The following TBX5 variants were observed in gnomAD, a reference collection of about 807,000 sequenced individuals.
The protein encoded by TBX5 is T-box transcription factor 5.
TBX5 carries 8 observed loss-of-function variants against 51.1 expected under a neutral mutation model. That is an observed-to-expected ratio of 0.16 (90% CI 0.09 to 0.28). The LOEUF (loss-of-function observed/expected upper bound fraction) is 0.28. Among genes scored for constraint, TBX5 ranks in the 10% least tolerant of loss-of-function variants. The pLI, the probability that TBX5 is intolerant of heterozygous loss-of-function variation, is 1.00. For synonymous variants in TBX5, 302 were observed against 266.4 expected (o/e 1.13, Z -1.30); for missense variants, 589 against 671.7 (o/e 0.88, Z 1.36).
chr12:114,398,747 G>T lies in TBX5; in HGVS notation c.363-27C>A, dbSNP rs745973288. On this transcript the variant is annotated intron_variant, in intron 4 of 8. Coordinates refer to ENST00000405440, the MANE Select transcript of TBX5 (RefSeq NM_181486.4). ...TAGATGAAGGAGAGGTGTACTAGAG[G>T]CCTGGCTCAGAGTCTGGAGGTAGCG... 8 of 1,586,034 alleles carry T rather than the reference G, an allele frequency of 5.0e-6. No homozygotes were observed. The African/African-American group carries it at 8.0e-5, about 16-fold the overall frequency.
intron 7 of TBX5, among the ~76,000 whole-genome samples, chr12:114,382,569 C>T (rs1052538711): frequency 5.3e-5 from 8 of 151,690 alleles, no homozygotes; most frequent in East Asian, 2.0e-4. Flanking sequence ...GAGGCCGAGG[C>T]GGGTGGATTG....
intron 2 of TBX5, 39 bp from the exon 3 acceptor site, chr12:114,401,959 G>C (rs1425745824): frequency 6.4e-7 from 1 of 1,562,902 alleles, no homozygotes; most frequent in African/African-American, 1.4e-5. Context: ...ACAAGCCCTG[G>C]CAGTAGTGGG....
chr12:114,398,616 T>A lies in TBX5; in HGVS notation c.467A>T (p.Gln156Leu), dbSNP rs771361403. 2 of 1,613,472 alleles carry A rather than the reference T, an allele frequency of 1.2e-6. No homozygotes were observed. The highest frequency in any genetic ancestry group is 8.5e-7 in the Non-Finnish European group (1 of 1,179,876). Residue 156 changes from glutamine (Q) to leucine (L), a missense_variant, in exon 5 of 9, where the codon CAG becomes CTG. By Grantham distance (113) the Gln-to-Leu change is moderately radical. Around this residue, in one of 7 missense-constraint regions of TBX5, gnomAD observed 85 missense variants for 95.6 expected, o/e 0.89. Coordinates refer to ENST00000405440, the MANE Select transcript of TBX5 (RefSeq NM_181486.4). ...GTGGTTGTTGGTGAGCTTGAGTTTCTGGAAGGAGACGAGCTGCCTCATCCA... is the reference window on the plus strand; with the variant it reads ...GTGGTTGTTGGTGAGCTTGAGTTTCAGGAAGGAGACGAGCTGCCTCATCCA... ...AHWMRQLVSF[Q>L]KLKLTNNHLD...
At chr12:114,405,347 G>A (rs956732029) in intron 1 of TBX5, among the ~76,000 whole-genome samples, 6 of 152,168 alleles carry the variant, frequency 3.9e-5, no homozygotes, top group South Asian at 4.1e-4. Flanking sequence ...ATCCTACCCC[G>A]CGCCCTCGCC....
At chr12:114,394,654 G>A in intron 6 of TBX5, 87 bp downstream of exon 6, 1 of 1,589,374 alleles carries the variant, frequency 6.3e-7, no homozygotes. Flanking sequence ...ATTCAGAGGA[G>A]CAAAGTTCCA....
At chr12:114,361,897 G>T (rs1244952966) in intron 8 of TBX5, among the ~76,000 whole-genome samples, 1 of 152,098 alleles carries the variant, frequency 6.6e-6, no homozygotes, top group Non-Finnish European at 1.5e-5. Context: ...GTGGAGGGAG[G>T]TGAGAAGGGC....
At chr12:114,396,005 A>G (rs1871395268) in intron 5 of TBX5, among the ~76,000 whole-genome samples, 1 of 152,124 alleles carries the variant, frequency 6.6e-6, no homozygotes, top group South Asian at 2.1e-4. Context: ...CAGCCTGAAA[A>G]TCTGGCCTGC....
At chr12:114,374,276 T>C (rs1414345257) in intron 7 of TBX5, among the ~76,000 whole-genome samples, 2 of 152,158 alleles carry the variant, frequency 1.3e-5, no homozygotes, top group South Asian at 2.1e-4. Flanking sequence ...AGTTGGGTGA[T>C]TGGGGGACAC....
chr12:114,376,674 A>G (rs1870208716), intron 7 of TBX5, among the ~76,000 whole-genome samples: 1 of 150,724 alleles, frequency 6.6e-6, no homozygotes, highest in Non-Finnish European at 1.5e-5. Flanking sequence ...TAAAATATAT[A>G]TATACACAAG....
intron 5 of TBX5, among the ~76,000 whole-genome samples, chr12:114,397,215 A>G (rs994296366): frequency 2.6e-5 from 4 of 151,904 alleles, no homozygotes; most frequent in African/African-American, 7.3e-5. Flanking sequence ...CCATGCGCCT[A>G]TCTGTTGCTC....
chr12:114,391,984 C>A (rs1871167763), intron 6 of TBX5, among the ~76,000 whole-genome samples: 1 of 152,132 alleles, frequency 6.6e-6, no homozygotes, highest in African/African-American at 2.4e-5. Context: ...GTCAAGGAAT[C>A]TGTCAGGCTG....
At chr12:114,388,226 C>T (rs978728687) in intron 6 of TBX5, among the ~76,000 whole-genome samples, 15 of 152,002 alleles carry the variant, frequency 9.9e-5, no homozygotes, top group African/African-American at 3.6e-4. Context: ...GGCACGATCT[C>T]GGCTCACTGC....
chr12:114,376,968 C>T (rs1017300261), intron 7 of TBX5, among the ~76,000 whole-genome samples: 1 of 151,962 alleles, frequency 6.6e-6, no homozygotes, highest in Non-Finnish European at 1.5e-5. Context: ...AGCATCCATG[C>T]CTTGACAAAT....
chr12:114,359,682 A>C (rs1199935381), intron 8 of TBX5, among the ~76,000 whole-genome samples: 3 of 152,194 alleles, frequency 2.0e-5, no homozygotes, highest in African/African-American at 7.2e-5. Flanking sequence ...GGATAAAGTG[A>C]ATTTAGTAAT....
intron 8 of TBX5, among the ~76,000 whole-genome samples, chr12:114,361,101 C>G (rs1869216638): frequency 6.6e-6 from 1 of 152,172 alleles, no homozygotes; most frequent in South Asian, 2.1e-4. Flanking sequence ...AAAGATTAAT[C>G]TGATGCATCC....
intron 7 of TBX5, among the ~76,000 whole-genome samples, chr12:114,370,293 A>AAAAGAAAAG (rs1869811064): frequency 1.6e-4 from 20 of 128,708 alleles, no homozygotes; most frequent in Non-Finnish European, 2.5e-4. Context: ...GAAAAGAAAG[A>AAAAGAAAAG]AAAGAAAAGA....
At chr12:114,399,422 A>C in intron 4 of TBX5, 91 bp downstream of exon 4, 1 of 1,599,318 alleles carries the variant, frequency 6.3e-7, no homozygotes, top group Non-Finnish European at 8.5e-7. Flanking sequence ...ACTAAAAAAA[A>C]AAAAAAAGTT....
chr12:114,365,957 G>A, intron 8 of TBX5: 3 of 652,456 alleles, frequency 4.6e-6, no homozygotes, highest in Admixed American at 2.5e-5. Context: ...CTCCAAAGGA[G>A]GGGCTGGAAC....
intron 5 of TBX5, among the ~76,000 whole-genome samples, chr12:114,396,141 G>C (rs555932572): frequency 6.6e-6 from 1 of 151,960 alleles, no homozygotes; most frequent in Non-Finnish European, 1.5e-5. Context: ...TGGGGGAGGC[G>C]AGCCGCGGCC....
Sources: allele counts gnomAD v4.1 joint callset (sites outside exome capture counted in the v4.1 genomes callset), GRCh38; gene constraint gnomAD v4.1.1; regional missense constraint gnomAD v4.1.1; transcripts MANE v1.5; gene names NCBI Gene and HGNC (gene_info 2026-07-23, HGNC 2026-07-21).